Variants in MAGI3 observed in about 807,000 individuals in gnomAD.
The protein encoded by MAGI3 is membrane-associated guanylate kinase, WW and PDZ domain-containing protein 3.
MAGI3 carries 43 observed loss-of-function variants against 121.8 expected under a neutral mutation model. That is an observed-to-expected ratio of 0.35 (90% confidence interval 0.28 to 0.46). The LOEUF is 0.46. Ranked by LOEUF, MAGI3 falls within the 20% of genes least tolerant of loss-of-function variation. The pLI, the probability that MAGI3 is intolerant of heterozygous loss-of-function variation, is 1.00. For missense variants in MAGI3, 1,547 were observed against 1,797.3 expected, an observed-to-expected ratio of 0.86 and a Z score of 2.52; for synonymous variants, 553 against 639.3, an observed-to-expected ratio of 0.86 and a Z score of 2.04.
intron 8 of MAGI3, among the ~76,000 whole-genome samples, chr1:113,621,998 T>G (rs1462667490): frequency 6.6e-6 from 1 of 152,124 alleles, no homozygotes; most frequent in African/African-American, 2.4e-5. Context: ...GCATGGGGAT[T>G]TCCTCTGAGG....
intron 1 of MAGI3, among the ~76,000 whole-genome samples, chr1:113,464,589 G>A (rs1275180899): frequency 6.6e-6 from 1 of 152,084 alleles, no homozygotes; most frequent in Non-Finnish European, 1.5e-5. Flanking sequence ...TCTGTGTAGT[G>A]ATTGTATTTA....
At chr1:113,664,265 T>C (rs1489182516) in intron 16 of MAGI3, among the ~76,000 whole-genome samples, 1 of 152,228 alleles carries the variant, frequency 6.6e-6, no homozygotes, top group Non-Finnish European at 1.5e-5. Flanking sequence ...GCTTTTAAGA[T>C]TTATCTGCAT....
chr1:113,431,689 A>G (rs1296722888), intron 1 of MAGI3, among the ~76,000 whole-genome samples: 2 of 152,200 alleles, frequency 1.3e-5, no homozygotes, highest in East Asian at 1.9e-4. Context: ...AGAAGGTAAT[A>G]AGATTTTATT....
intron 1 of MAGI3, among the ~76,000 whole-genome samples, chr1:113,434,732 G>T (rs1456673527): frequency 3.3e-5 from 5 of 152,086 alleles, no homozygotes; most frequent in Non-Finnish European, 7.4e-5. Context: ...TTTATCTTTT[G>T]CTGTTCAACA....
rs1053704595 is a variant in MAGI3 at position 113,421,142 on chromosome 1, G to C, written c.316+29793G>C. Among the ~76,000 whole-genome samples, 3 of 151,968 alleles carry C rather than the reference G, an allele frequency of 2.0e-5. No homozygotes were observed. The East Asian group carries it at 5.8e-4, about 29-fold the overall frequency. On this transcript the variant is annotated intron_variant, in intron 1 of 20. Transcript: ENST00000307546. ...ATGGTATTTACCTTTTTTCCCTGAG[G>C]CTGTTGTGCCTCATGTTTTCTATTT...
intron 1 of MAGI3, among the ~76,000 whole-genome samples, chr1:113,394,693 C>T (rs772119042): frequency 6.6e-6 from 1 of 152,096 alleles, no homozygotes; most frequent in Non-Finnish European, 1.5e-5. Flanking sequence ...CAGTAAGTTT[C>T]AGTAAATTAT....
At chr1:113,551,749 C>T (rs1011410894) in intron 2 of MAGI3, among the ~76,000 whole-genome samples, 3 of 151,910 alleles carry the variant, frequency 2.0e-5, no homozygotes, top group Non-Finnish European at 4.4e-5. Context: ...TTTATATTTA[C>T]CATATATAAG....
rs560839930 is a variant in MAGI3 at position 113,658,237 on chromosome 1, A to C, written c.2630-843A>C. 4.5e-4 allele frequency among the ~76,000 whole-genome samples: 68 copies of C among 152,334 alleles called. No homozygotes were observed. Among genetic ancestry groups the C allele is most frequent in the African/African-American group, 1.6e-3 (65 of 41,578 alleles). On this transcript the variant is annotated intron_variant, in intron 15 of 20. Coordinates refer to ENST00000307546, the MANE Select transcript of MAGI3 (RefSeq NM_001142782.2). This position sits in a 1 kb window ranked among gnomAD's most constrained non-coding sequence, Gnocchi z 4.0. Reference sequence around the variant, plus strand: ...GGTGGAAAATATTTTGTTTGACAAGATTTCCTGAATATCTGAGAACTCATT... The same window carrying C: ...GGTGGAAAATATTTTGTTTGACAAGCTTTCCTGAATATCTGAGAACTCATT...
chr1:113,451,524 A>C (rs1418909380), intron 1 of MAGI3, among the ~76,000 whole-genome samples: 1 of 152,138 alleles, frequency 6.6e-6, no homozygotes, highest in Non-Finnish European at 1.5e-5. Context: ...TCACTTTTTG[A>C]TGCCAAGTGT....
In MAGI3 at chr1:113,527,985, T is replaced by C. The variant is rs191821134; in HGVS notation, c.317-21530T>C. ...ATCTATAAGTATGTGTGTGTATGCG[T>C]ACATGTCTGTGTTTAGTGAAACCAT... On this transcript the variant is annotated intron_variant, in intron 1 of 20. Transcript: ENST00000307546. Among the ~76,000 whole-genome samples, 444 of 152,318 alleles carry C rather than the reference T, an allele frequency of 2.9e-3. 3 individuals carry two copies. The highest frequency in any genetic ancestry group is 0.01 in the African/African-American group (427 of 41,586).
chr1:113,621,627 AC>A (rs200958526), intron 8 of MAGI3, among the ~76,000 whole-genome samples: 3,543 of 152,174 alleles, frequency 0.023, 146 homozygotes, highest in African/African-American at 0.08. Flanking sequence ...AGTGGAAATA[AC>A]CCAAATGTCC....
chr1:113,391,006 T>A lies in MAGI3; in HGVS notation c.-28T>A. ...CGGCGCCCCGGCCGCCCGCGCGGGG[T>A]CTCCCCCATGGTGCAGCGGGGTTCG... is the stretch of plus-strand genomic sequence containing the variant. On this transcript the variant is annotated 5_prime_UTR_variant, in exon 1 of 21. Transcript: ENST00000307546. This position sits in a 1 kb window ranked among gnomAD's most constrained non-coding sequence, Gnocchi z 4.4. The A allele has an allele frequency of 6.6e-7, 1 of 1,517,614 alleles. No homozygotes were observed. The allele number at this position is 1,517,614 out of a possible 1,614,324, so 94.0% of individuals were successfully genotyped here. A position where few individuals can be genotyped will look rare whatever the true frequency, so the allele number is the denominator to read the frequency against.
intron 1 of MAGI3, among the ~76,000 whole-genome samples, chr1:113,408,480 C>T (rs1369885244): frequency 1.3e-5 from 2 of 152,070 alleles, no homozygotes; most frequent in Non-Finnish European, 2.9e-5. Context: ...TGGTATCCAA[C>T]CTGGAAGTTA....
At chr1:113,437,878 C>CT (rs1159011889) in intron 1 of MAGI3, among the ~76,000 whole-genome samples, 776 of 10,824 alleles carry the variant, frequency 0.072, 26 homozygotes, top group East Asian at 0.15. Context: ...TCTTCTTCTT[C>CT]TCCTTCTCCT....
chr1:113,424,005 C>A lies in MAGI3; in HGVS notation c.316+32656C>A, dbSNP rs372914370. The stretch of plus-strand genomic sequence containing the variant: ...GGGAGCAGGTGCAGGCACTTCTGAG[C>A]CCACGGGGGCAGGGGGTTTCCCGCC... On this transcript the variant is annotated intron_variant, in intron 1 of 20. Coordinates refer to ENST00000307546, the MANE Select transcript of MAGI3 (RefSeq NM_001142782.2). Among the ~76,000 whole-genome samples, 986 of 152,274 alleles carry A rather than the reference C, an allele frequency of 6.5e-3. 12 individuals carry two copies. The highest frequency in any genetic ancestry group is 0.023 in the African/African-American group (936 of 41,554).
Position 113,585,976 on chromosome 1 carries a change from A to G in MAGI3, c.763+380A>G, listed in dbSNP as rs530249005. On this transcript the variant is annotated intron_variant, in intron 4 of 20. Transcript: ENST00000307546. The stretch of plus-strand genomic sequence containing the variant: ...GTAGACTTCAGCCTAAACAAAGTAA[A>G]TAGGGCTTGAAAGTATGCTGATAAA... Among the ~76,000 whole-genome samples, 4 of 152,340 alleles carry G rather than the reference A, an allele frequency of 2.6e-5. No individual in the cohort carries two copies. In the South Asian group the frequency reaches 6.2e-4, roughly 24 times the overall value.
chr1:113,556,792 T>C (rs1660011196), intron 2 of MAGI3, among the ~76,000 whole-genome samples: 1 of 152,018 alleles, frequency 6.6e-6, no homozygotes, highest in Admixed American at 6.6e-5. Flanking sequence ...TCTCAAACTC[T>C]TGAGCTCAAG....
intron 8 of MAGI3, among the ~76,000 whole-genome samples, chr1:113,620,237 A>G: frequency 6.6e-6 from 1 of 152,312 alleles, no homozygotes; most frequent in Non-Finnish European, 1.5e-5. Context: ...TAAATACTAA[A>G]TATATCAAAT....
At chr1:113,565,099 C>T (rs1660389991) in intron 2 of MAGI3, among the ~76,000 whole-genome samples, 1 of 152,084 alleles carries the variant, frequency 6.6e-6, no homozygotes, top group African/African-American at 2.4e-5. Context: ...ATCCGCCCGC[C>T]TCAGCCTCCC....
Sources: allele counts gnomAD v4.1 joint callset (sites outside exome capture counted in the v4.1 genomes callset), GRCh38; gene constraint gnomAD v4.1.1; non-coding constraint Gnocchi (gnomAD v3.1); transcripts MANE v1.5; gene names NCBI Gene and HGNC (gene_info 2026-07-23, HGNC 2026-07-21).